The following KNTC1 variants were observed in gnomAD, a reference collection of about 807,000 sequenced individuals.
KNTC1 encodes the protein kinetochore associated 1.
KNTC1 carries 253 observed loss-of-function variants against 314.4 expected under a neutral mutation model. The observed-to-expected ratio is 0.80, with a 90% CI of 0.73 to 0.89. The LOEUF is 0.89. Ranked by LOEUF, KNTC1 falls within the 40% of genes least tolerant of loss-of-function variation. KNTC1 has a pLI of 0.00. For synonymous variants in KNTC1, 901 were observed against 901.4 expected, an observed-to-expected ratio of 1.00 and a Z score of 0.01; for missense variants, 2,475 against 2,572.9, an observed-to-expected ratio of 0.96 and a Z score of 0.82.
At position 122,557,387 on chromosome 12, in the gene KNTC1, G is replaced by A; in HGVS notation, c.1276G>A (p.Val426Ile). Residue 426 changes from valine to isoleucine, a missense_variant, in exon 17 of 64, where the codon GTT (valine) becomes ATT (isoleucine). Coordinates refer to ENST00000333479, the MANE Select transcript of KNTC1 (RefSeq NM_014708.6). ...ATGTGGCGTGTTTATATTACAGCTT[G>A]TTTACAAGGTCAAGTCAAATCATAT... is the stretch of plus-strand genomic sequence containing the variant. ...AIQFGLDVELVYKVKSNHILE... is the reference protein window; with the variant it reads ...AIQFGLDVELIYKVKSNHILE... 2 of 1,611,798 alleles carry A rather than the reference G, an allele frequency of 1.2e-6. No individual in the cohort carries two copies. The highest frequency in any genetic ancestry group is 2.7e-5 in the African/African-American group (2 of 74,938).
chr12:122,551,410 G>A (rs767160010), intron 14 of KNTC1, 48 bp downstream of exon 14: 12 of 1,558,120 alleles, frequency 7.7e-6, no homozygotes, highest in South Asian at 5.8e-5. Flanking sequence ...TAAATTTTAC[G>A]TATTAATATT....
chr12:122,615,213 C>T (rs1402172201), intron 56 of KNTC1, 127 bp downstream of exon 56: 1 of 786,948 alleles, frequency 1.3e-6, no homozygotes, highest in Non-Finnish European at 2.0e-6. Context: ...TCTCACTGAG[C>T]TCATGCCAAA....
At chr12:122,576,760 T>C in intron 29 of KNTC1, 135 bp from the exon 30 acceptor site, 1 of 542,968 alleles carries the variant, frequency 1.8e-6, no homozygotes, top group South Asian at 2.7e-5. Context: ...ATATAAATCA[T>C]GTTTTAATCT....
chr12:122,562,818 T>G (rs1964067645), intron 20 of KNTC1, 119 bp downstream of exon 20: 1 of 594,436 alleles, frequency 1.7e-6, no homozygotes, highest in Non-Finnish European at 3.1e-6. Flanking sequence ...GAGACCAGCC[T>G]GGCCAACATG....
intron 49 of KNTC1, 32 bp downstream of exon 49, chr12:122,604,669 C>T (rs1872381913): frequency 1.0e-5 from 15 of 1,444,178 alleles, no homozygotes; most frequent in Non-Finnish European, 1.5e-5. Context: ...GGCGGCTTCT[C>T]TTCTTCCTAA....
chr12:122,543,745 T>C (rs1962531657), intron 7 of KNTC1, 111 bp downstream of exon 7: 21 of 648,952 alleles, frequency 3.2e-5, no homozygotes, highest in Middle Eastern at 8.6e-4. Flanking sequence ...GAAATTATTA[T>C]GATATAACAT....
chr12:122,532,463 T>A (rs1422148773), intron 2 of KNTC1, among the ~76,000 whole-genome samples: 1 of 152,090 alleles, frequency 6.6e-6, no homozygotes, highest in Non-Finnish European at 1.5e-5. Context: ...CACCTCGGCC[T>A]CCCAAAGTTC....
At chr12:122,559,862 A>T (rs1184346607) in intron 18 of KNTC1, among the ~76,000 whole-genome samples, 1 of 152,230 alleles carries the variant, frequency 6.6e-6, no homozygotes, top group Non-Finnish European at 1.5e-5. Flanking sequence ...GGCATGAGCC[A>T]CTGCGCCCGG....
chr12:122,619,557 C>T (rs1593694801), intron 59 of KNTC1, among the ~76,000 whole-genome samples: 2 of 152,108 alleles, frequency 1.3e-5, no homozygotes, highest in African/African-American at 4.8e-5. Flanking sequence ...GGACTACAGG[C>T]GCCCACCACC....
At chr12:122,594,061 G>A in intron 42 of KNTC1, 3 of 501,352 alleles carry the variant, frequency 6.0e-6, no homozygotes, top group Non-Finnish European at 1.1e-5. Flanking sequence ...AGATGAAGAG[G>A]CAATGGTTAG....
chr12:122,589,175 C>T (rs1377490300), intron 40 of KNTC1, among the ~76,000 whole-genome samples: 1 of 151,892 alleles, frequency 6.6e-6, no homozygotes, highest in African/African-American at 2.4e-5. Flanking sequence ...ATCCTCCTGC[C>T]TCAGCCTCCC....
intron 10 of KNTC1, 31 bp from the exon 11 acceptor site, chr12:122,547,384 A>C: frequency 7.2e-7 from 1 of 1,389,746 alleles, no homozygotes; most frequent in Non-Finnish European, 1.0e-6. Flanking sequence ...TCAAAAAAAA[A>C]GGACATGTAA....
At chr12:122,591,507 A>T in intron 42 of KNTC1, 54 bp downstream of exon 42, 1 of 923,638 alleles carries the variant, frequency 1.1e-6, no homozygotes, top group South Asian at 1.4e-5. Context: ...CGGTTGGAAA[A>T]TTTAAAACAA....
Position 122,579,116 on chromosome 12 carries a change from G to A in KNTC1, c.2842-789G>A, listed in dbSNP as rs566309854. ...GTCTCGCTCTGTCGCCCAGGCTGGA[G>A]TGCAGTGGCGGGATCTCGGCTCACT... is the stretch of plus-strand genomic sequence containing the variant. On this transcript the variant is annotated intron_variant, in intron 31 of 63. Coordinates refer to ENST00000333479, the MANE Select transcript of KNTC1 (RefSeq NM_014708.6). 8.7e-3 allele frequency among the ~76,000 whole-genome samples: 1,035 copies of A among 119,296 alleles called. 14 individuals are homozygous for A. Among genetic ancestry groups the A allele is most frequent in the African/African-American group, 0.031 (988 of 31,700 alleles). 78.3% of individuals were successfully genotyped at this position (119,296 alleles called of 152,430 possible).
At chr12:122,621,752 C>T (rs1415508854) in intron 60 of KNTC1, 129 bp from the exon 61 acceptor site, 1 of 609,186 alleles carries the variant, frequency 1.6e-6, no homozygotes, top group East Asian at 2.9e-5. Flanking sequence ...TCCTTGATGT[C>T]GTTCAGTGTT....
chr12:122,548,557 G>A (rs1406232541), intron 12 of KNTC1, among the ~76,000 whole-genome samples: 2 of 152,106 alleles, frequency 1.3e-5, no homozygotes, highest in Non-Finnish European at 2.9e-5. Flanking sequence ...TGGCACTGAG[G>A]AATTACATTT....
chr12:122,591,805 T>A (rs917232806), intron 42 of KNTC1, among the ~76,000 whole-genome samples: 1 of 152,240 alleles, frequency 6.6e-6, no homozygotes, highest in African/African-American at 2.4e-5. Flanking sequence ...TATTAAAATG[T>A]ATATACAGCT....
In KNTC1 at chr12:122,626,233, C is replaced by T; in HGVS notation, c.*5C>T. 6.3e-7 allele frequency: 1 copy of T among 1,585,858 alleles called. No individual in the cohort carries two copies. ...TTTCTTAGTGGATTATCGTAAATCA[C>T]TGAACCTTTTTTTCAAGAAGGACAA... On this transcript the variant is annotated 3_prime_UTR_variant, in exon 64 of 64. Coordinates refer to ENST00000333479, the MANE Select transcript of KNTC1 (RefSeq NM_014708.6).
At position 122,579,918 on chromosome 12, in the gene KNTC1, G is replaced by T. The variant is rs749697542; in HGVS notation, c.2855G>T (p.Arg952Ile). The T allele has an allele frequency of 6.2e-7, 1 of 1,609,652 alleles. No homozygotes were observed. The highest frequency in any genetic ancestry group is 8.5e-7 in the Non-Finnish European group (1 of 1,176,408). The part of the protein sequence containing the change: ...PDHSKEGKAW[R>I]MSVAKTSVDI... ...ATTTATTTTTAGGGCAAGGCCTGGA[G>T]AATGTCTGTAGCGAAGACATCCGTG... Residue 952 changes from arginine (R) to isoleucine (I), a missense_variant, in exon 32 of 64, where the codon AGA (arginine) becomes ATA (isoleucine). Arg to Ile is a moderately conservative substitution (Grantham distance 97). Coordinates refer to ENST00000333479, the MANE Select transcript of KNTC1 (RefSeq NM_014708.6).
Sources: gnomAD v4.1 joint callset for allele counts (sites outside exome capture counted in the v4.1 genomes callset) on GRCh38, gnomAD v4.1.1 for gene constraint, MANE v1.5 for transcripts, NCBI Gene and HGNC (gene_info 2026-07-23, HGNC 2026-07-21) for gene names.